The following NPAP1 variants were observed in gnomAD, a reference collection of about 807,000 sequenced individuals.
NPAP1 encodes the protein nuclear pore associated protein 1, also known as nuclear pore-associated protein 1.
For synonymous variants in NPAP1, 616 were observed against 581.4 expected, an observed-to-expected ratio of 1.06 and a Z score of -0.86; for missense variants, 1,483 against 1,454.5, an observed-to-expected ratio of 1.02 and a Z score of -0.32.
rs1284767473 is a variant in NPAP1 at position 24,683,174 on chromosome 15, C to T, written c.*3836C>T. The T allele has an allele frequency of 1.6e-5, 3 of 184,664 alleles. No individual in the cohort carries two copies. The highest frequency in any genetic ancestry group is 3.2e-5 in the Non-Finnish European group (3 of 92,378). The allele number at this position is 184,664 out of a possible 1,614,324, so 11.4% of individuals were successfully genotyped here. On this transcript the variant is annotated 3_prime_UTR_variant, in exon 1 of 1. Coordinates refer to ENST00000329468, the MANE Select transcript of NPAP1 (RefSeq NM_018958.3). ...AGTTACTTCCTCATTCCTTTGTTCT[C>T]CTCTACCTTTGCCTCTTTTAAAAGT...
Position 24,679,142 on chromosome 15 carries a change from A to C in NPAP1, c.3275A>C (p.Asp1092Ala). 3 of 1,614,124 alleles carry C rather than the reference A, an allele frequency of 1.9e-6. No individual in the cohort carries two copies. Among genetic ancestry groups the C allele is most frequent in the Non-Finnish European group, 2.5e-6 (3 of 1,180,034 alleles). The change falls in exon 1 of 1, where the codon GAC becomes GCC. Residue 1092 changes from aspartate to alanine, a missense_variant. Asp to Ala is a moderately radical substitution (Grantham distance 126, BLOSUM62 -2). Coordinates refer to ENST00000329468, the MANE Select transcript of NPAP1 (RefSeq NM_018958.3). ...GCTGCCGCCTACATTCCTGGTTTAG[A>C]CCCACCTACCCAGAATTCATGCAGT... ...TSAAAYIPGL[D>A]PPTQNSCSGM...
In NPAP1 at chr15:24,679,491, A is replaced by G; in HGVS notation, c.*153A>G. ...TCAGGTTGTGCACCAGGAGGGGACA[A>G]CAACATCCCTGTGCTCCCTTTCTCT... On this transcript the variant is annotated 3_prime_UTR_variant, in exon 1 of 1. Transcript: ENST00000329468. The G allele has an allele frequency of 1.6e-6, 1 of 642,988 alleles. No individual in the cohort carries two copies. The highest frequency in any genetic ancestry group is 1.9e-5 in the South Asian group (1 of 51,468). 39.8% of individuals were successfully genotyped at this position (642,988 alleles called of 1,614,324 possible).
rs2141306833 is a variant in NPAP1 at position 24,675,884 on chromosome 15, G to A, written c.17G>A (p.Ser6Asn). The A allele has an allele frequency of 1.3e-6, 2 of 1,570,564 alleles. No individual in the cohort carries two copies. The highest frequency in any genetic ancestry group is 1.2e-5 in the South Asian group (1 of 85,706). ...TAGCTCTAAATGGGCAATTTACTTA[G>A]TAAATTTAGACCCGGGTGCCGCCGC... MGNLLSKFRPGCRRRP... is the reference protein window; with the variant it reads MGNLLNKFRPGCRRRP... The change falls in exon 1 of 1, where the codon AGT becomes AAT. Residue 6 changes from serine to asparagine, a missense_variant. Transcript: ENST00000329468.
chr15:24,676,043 C>A lies in NPAP1; in HGVS notation c.176C>A (p.Pro59His). The A allele has an allele frequency of 1.3e-6, 2 of 1,593,104 alleles. No individual in the cohort carries two copies. The highest frequency in any genetic ancestry group is 1.1e-5 in the South Asian group (1 of 88,584). Residue 59 changes from proline to histidine, a missense_variant, in exon 1 of 1, where the codon CCT becomes CAT. By Grantham distance (77) the Pro-to-His change is moderately conservative. Coordinates refer to ENST00000329468, the MANE Select transcript of NPAP1 (RefSeq NM_018958.3). The stretch of plus-strand genomic sequence containing the variant: ...TTCCGCCGGAACGCCCGTCGCAGGC[C>A]TTCAGCAGCCAGCATCTTCGTCGCC... ...GLFRRNARRR[P>H]SAASIFVAPK...
rs2141307038 is a variant in NPAP1 at position 24,675,992 on chromosome 15, C to G, written c.125C>G (p.Pro42Arg). 3 of 1,600,842 alleles carry G rather than the reference C, an allele frequency of 1.9e-6. No individual in the cohort carries two copies. The highest frequency in any genetic ancestry group is 2.6e-6 in the Non-Finnish European group (3 of 1,174,998). ...CCGCCCGGTCGGGCTCACTCTGTAC[C>G]CACCCCGCGCCCTTTCCGCGGCCTG... ...ASPPGRAHSV[P>R]TPRPFRGLFR... Residue 42 changes from proline (P) to arginine (R), a missense_variant, in exon 1 of 1, where the codon CCC (proline) becomes CGC (arginine). Pro to Arg is a moderately radical substitution (Grantham distance 103). Coordinates refer to ENST00000329468, the MANE Select transcript of NPAP1 (RefSeq NM_018958.3).
In NPAP1 at chr15:24,676,793, G is replaced by A. The variant is rs2141308848; in HGVS notation, c.926G>A (p.Cys309Tyr). The A allele has an allele frequency of 6.2e-7, 1 of 1,613,406 alleles. No individual in the cohort carries two copies. Among genetic ancestry groups the A allele is most frequent in the Middle Eastern group, 1.6e-4 (1 of 6,062 alleles). The change falls in exon 1 of 1, where the codon TGT becomes TAT. Residue 309 changes from cysteine to tyrosine, a missense_variant. Cys to Tyr is a radical substitution (Grantham distance 194). Transcript: ENST00000329468. ...AGGATGCCTGATGAGAAGCCTTTCTGTATTCCTCCAAGGAGCGCTGCTCCT... is the reference window on the plus strand; with the variant it reads ...AGGATGCCTGATGAGAAGCCTTTCTATATTCCTCCAAGGAGCGCTGCTCCT... ...GKRMPDEKPFCIPPRSAAPPR... is the reference protein window; with the variant it reads ...GKRMPDEKPFYIPPRSAAPPR...
In NPAP1 at chr15:24,677,579, T is replaced by C. The variant is rs2141310670; in HGVS notation, c.1712T>C (p.Val571Ala). The C allele has an allele frequency of 1.9e-6, 3 of 1,614,182 alleles. No individual in the cohort carries two copies. The highest frequency in any genetic ancestry group is 2.5e-6 in the Non-Finnish European group (3 of 1,180,026). Residue 571 changes from valine (V) to alanine (A), a missense_variant, in exon 1 of 1, where the codon GTA becomes GCA. By Grantham distance (64) the Val-to-Ala change is moderately conservative. Coordinates refer to ENST00000329468, the MANE Select transcript of NPAP1 (RefSeq NM_018958.3). The part of the protein sequence containing the change: ...ASAHLTSQTA[V>A]DPEVVNMDTT... ...GCCCACCTAACCTCACAGACTGCGG[T>C]AGACCCTGAAGTAGTTAATATGGAT... is the stretch of plus-strand genomic sequence containing the variant.
Position 24,676,033 on chromosome 15 carries a change from C to T in NPAP1, c.166C>T (p.Arg56Cys), listed in dbSNP as rs771165588. The T allele has an allele frequency of 6.0e-5, 95 of 1,596,270 alleles. No homozygotes were observed. Among genetic ancestry groups the T allele is most frequent in the Non-Finnish European group, 7.5e-5 (88 of 1,172,890 alleles). The change falls in exon 1 of 1, where the codon CGT becomes TGT. Residue 56 changes from arginine to cysteine, a missense_variant. By Grantham distance (180) the Arg-to-Cys change is radical. Transcript: ENST00000329468. ...CCGCGGCCTGTTCCGCCGGAACGCC[C>T]GTCGCAGGCCTTCAGCAGCCAGCAT... Reference protein sequence around the residue: ...PFRGLFRRNARRRPSAASIFV... With the variant: ...PFRGLFRRNACRRPSAASIFV...
rs1245883197 is a variant in NPAP1 at position 24,679,393 on chromosome 15, C to G, written c.*55C>G. On this transcript the variant is annotated 3_prime_UTR_variant, in exon 1 of 1. Transcript: ENST00000329468. ...CATCAGTTGTGGTTGTAAATACCAG[C>G]ATTATCCTTTTGTATGGTCATGCTT... 5 of 1,272,026 alleles carry G rather than the reference C, an allele frequency of 3.9e-6. No individual in the cohort carries two copies. The highest frequency in any genetic ancestry group is 5.6e-6 in the Non-Finnish European group (5 of 888,696). 78.8% of individuals were successfully genotyped at this position (1,272,026 alleles called of 1,614,324 possible).
chr15:24,682,751 A>G lies in NPAP1; in HGVS notation c.*3413A>G, dbSNP rs1048152909. On this transcript the variant is annotated 3_prime_UTR_variant, in exon 1 of 1. Coordinates refer to ENST00000329468, the MANE Select transcript of NPAP1 (RefSeq NM_018958.3). ...CCTTGAACTCTTTTCCCATAAAAAA[A>G]AAATGTTTTTGGTTTCTAGAATTTT... 1.2e-5 allele frequency: 2 copies of G among 166,978 alleles called. No homozygotes were observed. Among genetic ancestry groups the G allele is most frequent in the African/African-American group, 4.8e-5 (2 of 41,428 alleles). The allele number at this position is 166,978 out of a possible 1,614,324, so 10.3% of individuals were successfully genotyped here.
In NPAP1 at chr15:24,682,018, C is replaced by T. The variant is rs1339925344; in HGVS notation, c.*2680C>T. 1 of 166,942 alleles carries T rather than the reference C, an allele frequency of 6.0e-6. No individual in the cohort carries two copies. The highest frequency in any genetic ancestry group is 1.5e-5 in the Non-Finnish European group (1 of 68,110). The allele number at this position is 166,942 out of a possible 1,614,324, so 10.3% of individuals were successfully genotyped here. A position where few individuals can be genotyped will look rare whatever the true frequency, so the allele number is the denominator to read the frequency against. ...TGGCGTGATCTTGGCTCACTGCACG[C>T]TCCACCTCTCGGAAGAACCCCTTTT... is the stretch of plus-strand genomic sequence containing the variant. On this transcript the variant is annotated 3_prime_UTR_variant, in exon 1 of 1. Coordinates refer to ENST00000329468, the MANE Select transcript of NPAP1 (RefSeq NM_018958.3).
rs2141310303 is a variant in NPAP1 at position 24,677,408 on chromosome 15, A to T, written c.1541A>T (p.Glu514Val). Residue 514 changes from glutamate to valine, a missense_variant, in exon 1 of 1, where the codon GAG becomes GTG. By Grantham distance (121) the Glu-to-Val change is moderately radical. Transcript: ENST00000329468. ...TCCTTCAAGCCTCCCGTCACAAGGG[A>T]GTCCCCAATATCTATGTGTGTGGAT... ...TPSFKPPVTR[E>V]SPISMCVDSP... 3 of 1,614,052 alleles carry T rather than the reference A, an allele frequency of 1.9e-6. No individual in the cohort carries two copies. Among genetic ancestry groups the T allele is most frequent in the Non-Finnish European group, 2.5e-6 (3 of 1,180,018 alleles).
At position 24,677,050 on chromosome 15, in the gene NPAP1, A is replaced by C. The variant is rs2085226279; in HGVS notation, c.1183A>C (p.Thr395Pro). Residue 395 changes from threonine (T) to proline (P), a missense_variant, in exon 1 of 1, where the codon ACC becomes CCC. Coordinates refer to ENST00000329468, the MANE Select transcript of NPAP1 (RefSeq NM_018958.3). Reference protein sequence around the residue: ...KTETMTNSSITQPAPSFSQPV... With the variant: ...KTETMTNSSIPQPAPSFSQPV... ...AGAGACCATGACAAACAGCAGCATC[A>C]CCCAGCCTGCCCCTTCTTTCTCCCA... The C allele has an allele frequency of 6.2e-7, 1 of 1,613,838 alleles. No homozygotes were observed.
rs116964059 is a variant in NPAP1 at position 24,682,196 on chromosome 15, C to G, written c.*2858C>G. 1,952 of 167,136 alleles carry G rather than the reference C, an allele frequency of 0.012. 14 individuals carry two copies. Among genetic ancestry groups the G allele is most frequent in the Non-Finnish European group, 0.02 (1,329 of 68,102 alleles). The allele number at this position is 167,136 out of a possible 1,614,324, so 10.4% of individuals were successfully genotyped here. The stretch of plus-strand genomic sequence containing the variant: ...CACCCTGGGGCCTGATTCATTCGCT[C>G]TAAATTGTTTAGTACAGTTCCAGAG... On this transcript the variant is annotated 3_prime_UTR_variant, in exon 1 of 1. Coordinates refer to ENST00000329468, the MANE Select transcript of NPAP1 (RefSeq NM_018958.3).
rs2141312753 is a variant in NPAP1 at position 24,678,495 on chromosome 15, T to C, written c.2628T>C (p.Pro876=). 1.9e-6 allele frequency: 3 copies of C among 1,614,234 alleles called. No homozygotes were observed. The South Asian group carries it at 3.3e-5, about 18-fold the overall frequency. ...CAGCCCAAGTCTCCACCAGTTTTCC[T>C]GCACAGGCAGATAGGAGACCAACCA... ...IASAQVSTSF[P]AQADRRPTTT... The change falls in exon 1 of 1, where the codon CCT becomes CCC. Residue 876 remains proline (P), a synonymous_variant. Coordinates refer to ENST00000329468, the MANE Select transcript of NPAP1 (RefSeq NM_018958.3).
chr15:24,678,011 C>G lies in NPAP1; in HGVS notation c.2144C>G (p.Ser715Cys), dbSNP rs960054330. The change falls in exon 1 of 1, where the codon TCT becomes TGT. Residue 715 changes from serine (S) to cysteine (C), a missense_variant. Coordinates refer to ENST00000329468, the MANE Select transcript of NPAP1 (RefSeq NM_018958.3). The stretch of plus-strand genomic sequence containing the variant: ...AAGGCTGTCATCTTGCAGTCTGCCT[C>G]TGTCTCCAAGAAGTACCTCCCATTT... ...PSKAVILQSA[S>C]VSKKYLPFYL... is the part of the protein sequence containing the mutation. 4 of 1,613,534 alleles carry G rather than the reference C, an allele frequency of 2.5e-6. No individual in the cohort carries two copies. In the African/African-American group the frequency reaches 5.4e-5, roughly 22 times the overall value.
rs1391732311 is a variant in NPAP1, at chr15:24,678,654, A to G, written c.2787A>G (p.Thr929=). ...CCCCAGCACCAGTTATAGGCTTAACATCTCCTTCAGTCCAGCCACTGAGTG... is the reference window on the plus strand; with the variant it reads ...CCCCAGCACCAGTTATAGGCTTAACGTCTCCTTCAGTCCAGCCACTGAGTG... ...PATPAPVIGL[T]SPSVQPLSGS... Residue 929 remains threonine (T), a synonymous_variant, in exon 1 of 1, where the codon ACA becomes ACG. Transcript: ENST00000329468. 6.2e-7 allele frequency: 1 copy of G among 1,614,114 alleles called. No homozygotes were observed. The highest frequency in any genetic ancestry group is 1.1e-5 in the South Asian group (1 of 91,072).
chr15:24,679,990 T>G lies in NPAP1; in HGVS notation c.*652T>G, dbSNP rs551688610. ...AGCATTGTTTTTGTTTTGGTTTGTTTGTTTGTTTGTTTGTTTGTTTGTTTG... is the reference window on the plus strand; with the variant it reads ...AGCATTGTTTTTGTTTTGGTTTGTTGGTTTGTTTGTTTGTTTGTTTGTTTG... On this transcript the variant is annotated 3_prime_UTR_variant, in exon 1 of 1. Transcript: ENST00000329468. 1.2e-4 allele frequency: 15 copies of G among 123,832 alleles called. No individual in the cohort carries two copies. The highest frequency in any genetic ancestry group is 6.8e-4 in the East Asian group (3 of 4,388). The allele number at this position is 123,832 out of a possible 1,614,324, so 7.7% of individuals were successfully genotyped here.
In NPAP1 at chr15:24,676,389, C is replaced by A. The variant is rs368120585; in HGVS notation, c.522C>A (p.Asp174Glu). ...CGGTGCAGATCGAAGGGGAGGATGACGAGAAAAGGACCCCCCTTAGCAGCG... is the reference window on the plus strand; with the variant it reads ...CGGTGCAGATCGAAGGGGAGGATGAAGAGAAAAGGACCCCCCTTAGCAGCG... ...EDPVQIEGED[D>E]EKRTPLSSGE... The change falls in exon 1 of 1, where the codon GAC becomes GAA. Residue 174 changes from aspartate (D) to glutamate (E), a missense_variant. By Grantham distance (45) the Asp-to-Glu change is conservative (BLOSUM62 2). Transcript: ENST00000329468. 10 of 1,570,208 alleles carry A rather than the reference C, an allele frequency of 6.4e-6. No individual in the cohort carries two copies. The African/African-American group carries it at 8.2e-5, about 13-fold the overall frequency.
Sources: gnomAD v4.1 joint callset for allele counts on GRCh38, gnomAD v4.1.1 for gene constraint, MANE v1.5 for transcripts, NCBI Gene and HGNC (gene_info 2026-07-23, HGNC 2026-07-21) for gene names.